SYNPO2: variants seen among roughly 807,000 people sequenced by gnomAD.
SYNPO2 encodes synaptopodin 2.
Under a neutral mutation model 85.0 loss-of-function variants are expected in SYNPO2, and 56 were observed. The ratio of observed to expected loss-of-function variants is 0.66; its 90% CI spans 0.53 to 0.82. SYNPO2 has a LOEUF of 0.82. SYNPO2 is among the 40% of genes least tolerant of loss of function. The pLI is 0.00. For missense variants in SYNPO2, 1,575 were observed against 1,534.2 expected (o/e 1.03, Z -0.44); for synonymous variants, 602 against 591.1 (o/e 1.02, Z -0.27).
At chr4:119,042,270 C>A (rs79362799) in intron 4 of SYNPO2, 1 of 151,918 alleles carries the variant, frequency 6.6e-6, no homozygotes, top group Non-Finnish European at 1.5e-5. Context: ...GGCCTTGAGA[C>A]GTGATTTTTA....
intron 1 of SYNPO2, among the ~76,000 whole-genome samples, chr4:118,855,826 C>A (rs1452429730): frequency 6.6e-6 from 1 of 152,138 alleles, no homozygotes; most frequent in African/African-American, 2.4e-5. Flanking sequence ...ATAAAGCCCC[C>A]CAGACTTACA....
At chr4:118,962,870 T>C (rs1035554150) in intron 1 of SYNPO2, among the ~76,000 whole-genome samples, 7 of 152,186 alleles carry the variant, frequency 4.6e-5, no homozygotes, top group Non-Finnish European at 8.8e-5. Flanking sequence ...CCTTGGGGAA[T>C]GCAAACTGTC....
rs750722534 is a variant in SYNPO2 at position 119,031,492 on chromosome 4, C to A, written c.2717C>A (p.Ser906Tyr). 18 of 1,614,172 alleles carry A rather than the reference C, an allele frequency of 1.1e-5. No homozygotes were observed. The highest frequency in any genetic ancestry group is 1.4e-5 in the Non-Finnish European group (17 of 1,180,038). Residue 906 changes from serine (S) to tyrosine (Y), a missense_variant, in exon 4 of 5, where the codon TCT becomes TAT. Ser to Tyr is a moderately radical substitution (Grantham distance 144). Transcript: ENST00000307142. The part of the protein sequence containing the change: ...HAARAQSPTP[S>Y]LPASWKYSSN... ...GCTCGAGCTCAGTCTCCCACTCCAT[C>A]TCTCCCGGCCAGTTGGAAGTACTCC...
At chr4:118,903,488 A>G (rs953525758) in intron 1 of SYNPO2, among the ~76,000 whole-genome samples, 1 of 152,150 alleles carries the variant, frequency 6.6e-6, no homozygotes, top group Non-Finnish European at 1.5e-5. Context: ...CAGATATACA[A>G]ATAAAATTAA....
At chr4:118,877,100 G>A (rs1366669621) in intron 1 of SYNPO2, among the ~76,000 whole-genome samples, 1 of 151,950 alleles carries the variant, frequency 6.6e-6, no homozygotes, top group East Asian at 1.9e-4. Flanking sequence ...ACTGCACCTG[G>A]CCTTCAGATG....
At chr4:118,940,415 A>ACTTCTGAAATAAGAGTAAACTG (rs1258697957) in intron 1 of SYNPO2, among the ~76,000 whole-genome samples, 2 of 152,194 alleles carry the variant, frequency 1.3e-5, no homozygotes, top group African/African-American at 4.8e-5. Context: ...CATTAGAATT[A>ACTTCTGAAATAAGAGTAAACTG]CTTCTGAAAT....
At chr4:118,940,779 G>A (rs560882081) in intron 1 of SYNPO2, among the ~76,000 whole-genome samples, 18 of 152,218 alleles carry the variant, frequency 1.2e-4, no homozygotes, top group Non-Finnish European at 2.2e-4. Context: ...AGGCTGGGAG[G>A]AAGTGGAGGA....
chr4:118,862,805 CT>C (rs113851654), intron 1 of SYNPO2, among the ~76,000 whole-genome samples: 28 of 148,034 alleles, frequency 1.9e-4, no homozygotes, highest in East Asian at 3.9e-4. Flanking sequence ...TTCTTTCTTT[CT>C]TTTTTTTTTC....
chr4:118,938,188 A>C lies in SYNPO2; in HGVS notation c.105+49047A>C, dbSNP rs545344960. On this transcript the variant is annotated intron_variant, in intron 1 of 4. Coordinates refer to ENST00000307142, the MANE Select transcript of SYNPO2 (RefSeq NM_133477.3). Reference sequence around the variant, plus strand: ...GCGGTAGGCTGTATAGCCGGGTGGCAGGAGTCTGCAGTCCCGGCTATTTGG... The same window carrying C: ...GCGGTAGGCTGTATAGCCGGGTGGCCGGAGTCTGCAGTCCCGGCTATTTGG... 5.3e-5 allele frequency among the ~76,000 whole-genome samples: 8 copies of C among 152,152 alleles called. No individual in the cohort carries two copies. The South Asian group carries it at 1.7e-3, about 32-fold the overall frequency.
chr4:118,997,188 C>G (rs1031512117), intron 1 of SYNPO2, among the ~76,000 whole-genome samples: 6 of 137,518 alleles, frequency 4.4e-5, no homozygotes, highest in African/African-American at 8.2e-5. Context: ...TGCAGTGAGC[C>G]GAGATCCCGC....
chr4:119,055,261 T>C (rs1035364191), intron 4 of SYNPO2, among the ~76,000 whole-genome samples: 2 of 152,090 alleles, frequency 1.3e-5, no homozygotes, highest in Non-Finnish European at 2.9e-5. Flanking sequence ...AAGTGATTCT[T>C]GTGCCTCAGC....
intron 4 of SYNPO2, chr4:119,038,078 G>C: frequency 2.2e-6 from 2 of 924,650 alleles, no homozygotes; most frequent in Non-Finnish European, 2.6e-6. Context: ...CAGTGGATTA[G>C]GGTTAGATTT....
intron 1 of SYNPO2, among the ~76,000 whole-genome samples, chr4:118,870,851 G>A (rs1177217374): frequency 6.6e-6 from 1 of 152,168 alleles, no homozygotes; most frequent in East Asian, 1.9e-4. Context: ...ATTTACTCAT[G>A]TAACAAAACT....
rs538893422 is a variant in SYNPO2 at position 118,997,560 on chromosome 4, C to T, written c.106-25870C>T. Reference sequence around the variant, plus strand: ...TCAGTGTGATAGTTTCCCTTAGGAACCAAATTTATTAGTAAAGCTAGATTT... The same window carrying T: ...TCAGTGTGATAGTTTCCCTTAGGAATCAAATTTATTAGTAAAGCTAGATTT... On this transcript the variant is annotated intron_variant, in intron 1 of 4. Transcript: ENST00000307142. Among the ~76,000 whole-genome samples the T allele has an allele frequency of 2.6e-5, 4 of 152,232 alleles. No individual in the cohort carries two copies. The East Asian group carries it at 7.7e-4, about 29-fold the overall frequency.
chr4:118,917,032 G>A (rs1003004389), intron 1 of SYNPO2, among the ~76,000 whole-genome samples: 7 of 152,072 alleles, frequency 4.6e-5, no homozygotes, highest in East Asian at 3.9e-4. Context: ...ACCGTGCCCC[G>A]CCCTTCTGCT....
chr4:118,971,046 C>T (rs1266732241), intron 1 of SYNPO2, among the ~76,000 whole-genome samples: 1 of 152,164 alleles, frequency 6.6e-6, no homozygotes, highest in Non-Finnish European at 1.5e-5. Context: ...CACTTTGGGA[C>T]TGAGCACATT....
At chr4:118,923,903 A>C (rs938831442) in intron 1 of SYNPO2, among the ~76,000 whole-genome samples, 1 of 148,214 alleles carries the variant, frequency 6.7e-6, no homozygotes, top group African/African-American at 2.5e-5. Context: ...AAAAAAAAAA[A>C]AAACCTGAGT....
chr4:118,970,471 G>T (rs1484447496), intron 1 of SYNPO2, among the ~76,000 whole-genome samples: 1 of 152,104 alleles, frequency 6.6e-6, no homozygotes, highest in Non-Finnish European at 1.5e-5. Flanking sequence ...CAATAAGTTT[G>T]TATCCCTCCA....
chr4:118,937,662 T>C (rs1211312993), intron 1 of SYNPO2, among the ~76,000 whole-genome samples: 1 of 152,158 alleles, frequency 6.6e-6, no homozygotes, highest in Non-Finnish European at 1.5e-5. Flanking sequence ...CCTCAGTTTC[T>C]TCACCTGTAC....
Sources: gnomAD v4.1 joint callset for allele counts (sites outside exome capture counted in the v4.1 genomes callset) on GRCh38, gnomAD v4.1.1 for gene constraint, MANE v1.5 for transcripts, NCBI Gene and HGNC (gene_info 2026-07-23, HGNC 2026-07-21) for gene names.